BRCA2: variants seen among roughly 807,000 people sequenced by gnomAD.
BRCA2 encodes breast cancer type 2 susceptibility protein.
In BRCA2, 203 loss-of-function variants were observed where a neutral mutation model predicts 276.7. The observed-to-expected ratio is 0.73, with a 90% CI of 0.65 to 0.82. BRCA2 has a LOEUF of 0.82. BRCA2 is among the 40% of genes least tolerant of loss of function. The pLI, the probability that BRCA2 is intolerant of heterozygous loss-of-function variation, is 0.00. For missense variants in BRCA2, 3,920 were observed against 3,915.0 expected (o/e 1.00, Z -0.03); for synonymous variants, 1,289 against 1,338.4 (o/e 0.96, Z 0.81).
intron 12 of BRCA2, among the ~76,000 whole-genome samples, chr13:32,346,488 C>A: frequency 6.6e-6 from 1 of 152,006 alleles, no homozygotes; most frequent in Non-Finnish European, 1.5e-5. Flanking sequence ...TGAGAATGAA[C>A]AATATCTAAA....
At position 32,346,775 on chromosome 13, in the gene BRCA2, G is replaced by T. The variant is rs568502763; in HGVS notation, c.6938-52G>T. On this transcript the variant is annotated intron_variant, in intron 12 of 26. Coordinates refer to ENST00000380152, the MANE Select transcript of BRCA2 (RefSeq NM_000059.4). The stretch of plus-strand genomic sequence containing the variant: ...TTTTTTGTGTATTTACAGTAACATG[G>T]ATATTCTCTTAGATTTTAACTAATA... 4 of 1,444,284 alleles carry T rather than the reference G, an allele frequency of 2.8e-6. No individual in the cohort carries two copies. In the South Asian group the frequency reaches 5.0e-5, roughly 18 times the overall value. 89.5% of individuals were successfully genotyped at this position (1,444,284 alleles called of 1,614,324 possible).
chr13:32,332,863 A>G lies in BRCA2; in HGVS notation c.1385A>G (p.Glu462Gly), dbSNP rs56403624. ...AAATCAGAGAAGCCATTAAATGAGG[A>G]AACAGTGGTAAATAAGAGAGATGAA... ...LPKSEKPLNE[E>G]TVVNKRDEEQ... The change falls in exon 10 of 27, where the codon GAA becomes GGA. Residue 462 changes from glutamate to glycine, a missense_variant. By Grantham distance (98) the Glu-to-Gly change is moderately conservative. Around this residue, in one of 2 missense-constraint regions of BRCA2, gnomAD observed 3,263 missense variants for 3,156.9 expected, o/e 1.03. Coordinates refer to ENST00000380152, the MANE Select transcript of BRCA2 (RefSeq NM_000059.4). 396 of 1,611,804 alleles carry G rather than the reference A, an allele frequency of 2.5e-4. No individual in the cohort carries two copies. The highest frequency in any genetic ancestry group is 5.0e-4 in the Middle Eastern group (3 of 6,060).
rs115057418 is a variant in BRCA2, at chr13:32,345,984, C to T, written c.6938-843C>T. 5.0e-3 allele frequency among the ~76,000 whole-genome samples: 756 copies of T among 152,036 alleles called. 9 individuals carry two copies. Among genetic ancestry groups the T allele is most frequent in the African/African-American group, 0.017 (722 of 41,536 alleles). On this transcript the variant is annotated intron_variant, in intron 12 of 26. Coordinates refer to ENST00000380152, the MANE Select transcript of BRCA2 (RefSeq NM_000059.4). ...CAAATGTCACTCAAAATAATTCTTC[C>T]GGATGTGGTTACCAATTTGATAATT...
At chr13:32,335,944 T>C (rs890610272) in intron 10 of BRCA2, among the ~76,000 whole-genome samples, 4 of 152,178 alleles carry the variant, frequency 2.6e-5, no homozygotes, top group Non-Finnish European at 5.9e-5. Flanking sequence ...TGCACTAGTG[T>C]GATCTCAGCT....
intron 11 of BRCA2, among the ~76,000 whole-genome samples, chr13:32,342,873 T>A (rs1428109615): frequency 2.0e-5 from 3 of 151,962 alleles, no homozygotes; most frequent in Non-Finnish European, 4.4e-5. Flanking sequence ...TGGTAAAACC[T>A]TGTCTCTACT....
At chr13:32,391,038 A>T (rs1371849181) in intron 24 of BRCA2, among the ~76,000 whole-genome samples, 1 of 152,198 alleles carries the variant, frequency 6.6e-6, no homozygotes, top group Non-Finnish European at 1.5e-5. Flanking sequence ...GTTCTTTCTT[A>T]TACTTCATGC....
In BRCA2 at chr13:32,398,177, T is replaced by C. The variant is rs2073049142; in HGVS notation, c.9664T>C (p.Cys3222Arg). Reference protein sequence around the residue: ...GNKLLMSSPNCEIYYQSPLSL... With the variant: ...GNKLLMSSPNREIYYQSPLSL... ...TTTTTATCAGATGTCTTCTCCTAAT[T>C]GTGAGATATATTATCAAAGTCCTTT... is the stretch of plus-strand genomic sequence containing the variant. The change falls in exon 27 of 27, where the codon TGT (cysteine) becomes CGT (arginine). Residue 3222 changes from cysteine to arginine, a missense_variant. By Grantham distance (180) the Cys-to-Arg change is radical. Around this residue, in one of 2 missense-constraint regions of BRCA2, gnomAD observed 657 missense variants for 758.2 expected, o/e 0.87. Coordinates refer to ENST00000380152, the MANE Select transcript of BRCA2 (RefSeq NM_000059.4). 1 of 1,609,904 alleles carries C rather than the reference T, an allele frequency of 6.2e-7. No individual in the cohort carries two copies. Among genetic ancestry groups the C allele is most frequent in the African/African-American group, 1.3e-5 (1 of 74,746 alleles).
upstream of BRCA2, among the ~76,000 whole-genome samples, chr13:32,315,101 C>T (rs768038550): frequency 2.0e-5 from 3 of 152,140 alleles, no homozygotes; most frequent in Admixed American, 2.0e-4. Context: ...TTTGTAAGAT[C>T]GGCTCGCTTT....
At chr13:32,364,356 A>G (rs1455222791) in intron 18 of BRCA2, among the ~76,000 whole-genome samples, 1 of 152,190 alleles carries the variant, frequency 6.6e-6, no homozygotes, top group Non-Finnish European at 1.5e-5. Flanking sequence ...CATGGTCCCA[A>G]GAGGCAATCG....
At chr13:32,325,600 G>A (rs1002095277) in intron 4 of BRCA2, among the ~76,000 whole-genome samples, 5 of 150,618 alleles carry the variant, frequency 3.3e-5, no homozygotes, top group African/African-American at 1.2e-4. Context: ...TAGTGCAGTG[G>A]TGCGATCTCA....
At chr13:32,364,637 C>G (rs2072768646) in intron 18 of BRCA2, among the ~76,000 whole-genome samples, 1 of 152,164 alleles carries the variant, frequency 6.6e-6, no homozygotes, top group South Asian at 2.1e-4. Flanking sequence ...CATTTCCTTT[C>G]TTTACAGCTT....
intron 24 of BRCA2, among the ~76,000 whole-genome samples, chr13:32,383,373 G>A (rs916360617): frequency 6.6e-5 from 10 of 152,124 alleles, no homozygotes; most frequent in South Asian, 2.1e-4. Flanking sequence ...AGAAAGAAAA[G>A]GGTGTTGAAG....
At chr13:32,354,629 G>C (rs1417783257) in intron 13 of BRCA2, among the ~76,000 whole-genome samples, 2 of 152,044 alleles carry the variant, frequency 1.3e-5, no homozygotes, top group Non-Finnish European at 2.9e-5. Context: ...ACACTGAGAG[G>C]GTCCACACTT....
rs397507643 is a variant in BRCA2, at chr13:32,337,180, CAATT to C, written c.2828_2831del (p.Ile943LysfsTer16). ...GGTGATAAACAAGCAACCCAAGTGTCAATTAAAAAAGATTTGGTTTATGTTCTTG... is the reference window on the plus strand; with the variant it reads ...GGTGATAAACAAGCAACCCAAGTGTCAAAAAAGATTTGGTTTATGTTCTTG... On this transcript the variant is annotated frameshift_variant, in exon 11 of 27. Transcript: ENST00000380152. LOFTEE classifies it high-confidence loss of function. The C allele has an allele frequency of 6.2e-7, 1 of 1,613,166 alleles. No individual in the cohort carries two copies. The highest frequency in any genetic ancestry group is 8.5e-7 in the Non-Finnish European group (1 of 1,179,700).
In BRCA2 at chr13:32,340,876, T is replaced by C. The variant is rs876659448; in HGVS notation, c.6521T>C (p.Val2174Ala). ...GTATTAGGAACCAAAGTGTCACTTGTTGAGAACATTCATGTTTTGGGAAAA... is the reference window on the plus strand; with the variant it reads ...GTATTAGGAACCAAAGTGTCACTTGCTGAGAACATTCATGTTTTGGGAAAA... ...QLVLGTKVSL[V>A]ENIHVLGKEQ... The change falls in exon 11 of 27, where the codon GTT (valine) becomes GCT (alanine). Residue 2174 changes from valine to alanine, a missense_variant. Physicochemically the swap from Val to Ala is moderately conservative, Grantham distance 64. Around this residue, in one of 2 missense-constraint regions of BRCA2, gnomAD observed 3,263 missense variants for 3,156.9 expected, o/e 1.03. Coordinates refer to ENST00000380152, the MANE Select transcript of BRCA2 (RefSeq NM_000059.4). The C allele has an allele frequency of 1.2e-6, 2 of 1,604,706 alleles. No individual in the cohort carries two copies. The highest frequency in any genetic ancestry group is 1.7e-4 in the Middle Eastern group (1 of 6,012).
At chr13:32,350,512 G>A (rs2072640966) in intron 13 of BRCA2, among the ~76,000 whole-genome samples, 1 of 152,110 alleles carries the variant, frequency 6.6e-6, no homozygotes, top group Admixed American at 6.5e-5. Flanking sequence ...CACTTTGGGA[G>A]GCCGAGGCGG....
chr13:32,398,519 A>G lies in BRCA2; in HGVS notation c.10006A>G (p.Ser3336Gly), dbSNP rs1311718055. The change falls in exon 27 of 27, where the codon AGT (serine) becomes GGT (glycine). Residue 3336 changes from serine (S) to glycine (G), a missense_variant. Coordinates refer to ENST00000380152, the MANE Select transcript of BRCA2 (RefSeq NM_000059.4). ...KKFNEISLLE[S>G]NSIADEELAL... ...ATTCAATGAAATTTCTCTTTTGGAA[A>G]GTAATTCAATAGCTGACGAAGAACT... The G allele has an allele frequency of 1.2e-6, 2 of 1,614,074 alleles. No individual in the cohort carries two copies. The highest frequency in any genetic ancestry group is 1.3e-5 in the African/African-American group (1 of 74,932).
chr13:32,339,741 G>T lies in BRCA2; in HGVS notation c.5386G>T (p.Asp1796Tyr), dbSNP rs1064793715. The change falls in exon 11 of 27, where the codon GAT becomes TAT. Residue 1796 changes from aspartate to tyrosine, a missense_variant. By Grantham distance (160) the Asp-to-Tyr change is radical. Coordinates refer to ENST00000380152, the MANE Select transcript of BRCA2 (RefSeq NM_000059.4). ...SFSKVISNVKDANAYPQTVNE... is the reference protein window; with the variant it reads ...SFSKVISNVKYANAYPQTVNE... ...TTCCAAAGTAATATCCAATGTAAAAGATGCAAATGCATACCCACAAACTGT... is the reference window on the plus strand; with the variant it reads ...TTCCAAAGTAATATCCAATGTAAAATATGCAAATGCATACCCACAAACTGT... 2.5e-6 allele frequency: 4 copies of T among 1,613,838 alleles called. No homozygotes were observed. The highest frequency in any genetic ancestry group is 1.7e-4 in the Middle Eastern group (1 of 6,058).
Position 32,332,836 on chromosome 13 carries a change from CA to C in BRCA2, c.1362del (p.Lys454AsnfsTer6), listed in dbSNP as rs80359282. Reference protein sequence around the residue: ...ENSLPRISSLPKSEKPLNEET... With the variant: ...ENSLPRISSLXKSEKPLNEET... ...TCTTTGCCACGTATTTCTAGCCTACCAAAATCAGAGAAGCCATTAAATGAGG... is the reference window on the plus strand; with the variant it reads ...TCTTTGCCACGTATTTCTAGCCTACCAAATCAGAGAAGCCATTAAATGAGG... On this transcript the variant is annotated frameshift_variant, in exon 10 of 27. Coordinates refer to ENST00000380152, the MANE Select transcript of BRCA2 (RefSeq NM_000059.4). LOFTEE classifies it high-confidence loss of function. 2 of 1,611,214 alleles carry C rather than the reference CA, an allele frequency of 1.2e-6. No individual in the cohort carries two copies. Among genetic ancestry groups the C allele is most frequent in the Non-Finnish European group, 1.7e-6 (2 of 1,179,344 alleles).
Sources: gnomAD v4.1 joint callset for allele counts (sites outside exome capture counted in the v4.1 genomes callset) on GRCh38, gnomAD v4.1.1 for gene constraint, gnomAD v4.1.1 regional missense constraint, MANE v1.5 for transcripts, NCBI Gene and HGNC (gene_info 2026-07-23, HGNC 2026-07-21) for gene names.